Variants in ADGRV1 observed in about 807,000 individuals in gnomAD.
ADGRV1 encodes adhesion G protein-coupled receptor V1, also known as G-protein coupled receptor 98.
ADGRV1 carries 359 observed loss-of-function variants against 596.2 expected under a neutral mutation model. The observed-to-expected ratio is 0.60, with a 90% CI of 0.55 to 0.66. The LOEUF (loss-of-function observed/expected upper bound fraction) is 0.66, where lower values mean the gene tolerates loss of function less well. Among genes scored for constraint, ADGRV1 ranks in the 30% least tolerant of loss-of-function variants. The pLI, the probability that ADGRV1 is intolerant of heterozygous loss-of-function variation, is 0.00. For synonymous variants in ADGRV1, 2,681 were observed against 2,679.2 expected, an observed-to-expected ratio of 1.00 and a Z score of -0.02; for missense variants, 7,274 against 7,575.6, an observed-to-expected ratio of 0.96 and a Z score of 1.48.
rs1797163643 is a variant in ADGRV1, at chr5:91,163,889, A to G, written c.18910A>G (p.Thr6304Ala). Residue 6304 changes from threonine (T) to alanine (A), a missense_variant, in exon 90 of 90, where the codon ACT becomes GCT. Physicochemically the swap from Thr to Ala is moderately conservative, Grantham distance 58 (BLOSUM62 0). This residue lies in a region of ADGRV1 where 1,874 missense variants were observed against 1,970.2 expected (regional missense o/e 0.95). Transcript: ENST00000405460. ...VELRRIPIADTHL is the reference protein window; with the variant it reads ...VELRRIPIADAHL ...GCTCAGGAGGATACCCATCGCCGAC[A>G]CTCACCTGTAGCACCTCACTAACCA... 3.9e-6 allele frequency: 6 copies of G among 1,527,844 alleles called. No homozygotes were observed. Among genetic ancestry groups the G allele is most frequent in the Non-Finnish European group, 5.4e-6 (6 of 1,104,786 alleles). The allele number at this position is 1,527,844 out of a possible 1,614,324, so 94.6% of individuals were successfully genotyped here.
At chr5:90,802,910 A>T (rs1305076287) in intron 71 of ADGRV1, 28 bp downstream of exon 71, 2 of 1,582,288 alleles carry the variant, frequency 1.3e-6, no homozygotes. Context: ...TGGTTCTCTC[A>T]GCAGAACACT....
chr5:91,030,379 A>G (rs1223251373), intron 85 of ADGRV1, among the ~76,000 whole-genome samples: 1 of 152,134 alleles, frequency 6.6e-6, no homozygotes, highest in East Asian at 1.9e-4. Context: ...TGATAACATA[A>G]AAAATGAAGT....
intron 84 of ADGRV1, among the ~76,000 whole-genome samples, chr5:90,977,338 A>G (rs997017109): frequency 3.9e-5 from 6 of 152,248 alleles, no homozygotes; most frequent in Non-Finnish European, 7.3e-5. Context: ...GGCATATGGA[A>G]TAGACAGAAT....
At chr5:91,071,251 G>C (rs1788366725) in intron 85 of ADGRV1, among the ~76,000 whole-genome samples, 1 of 152,226 alleles carries the variant, frequency 6.6e-6, no homozygotes, top group Non-Finnish European at 1.5e-5. Context: ...GAGGTCAAGA[G>C]AGGTCCCTGC....
chr5:90,793,418 T>C (rs955083778), intron 70 of ADGRV1: 4 of 152,214 alleles, frequency 2.6e-5, no homozygotes, highest in African/African-American at 9.7e-5. Flanking sequence ...AAATAGCTGG[T>C]ATCATTTTAT....
At chr5:91,126,438 T>C (rs2126773377) in intron 87 of ADGRV1, among the ~76,000 whole-genome samples, 1 of 152,344 alleles carries the variant, frequency 6.6e-6, no homozygotes, top group South Asian at 2.1e-4. Flanking sequence ...GCCAGCAGCA[T>C]TGCCCCACTT....
chr5:90,821,488 C>T (rs1265623984), intron 75 of ADGRV1, among the ~76,000 whole-genome samples: 13 of 151,288 alleles, frequency 8.6e-5, no homozygotes, highest in African/African-American at 2.9e-4. Context: ...GGAGGAGAGG[C>T]GCTCTGCGTT....
chr5:90,928,112 G>A (rs562790667), intron 83 of ADGRV1, among the ~76,000 whole-genome samples: 3 of 152,158 alleles, frequency 2.0e-5, no homozygotes, highest in South Asian at 4.2e-4. Flanking sequence ...TATGTGTCTT[G>A]AAGTTGCTCT....
At chr5:90,930,123 C>G (rs1240766545) in intron 83 of ADGRV1, among the ~76,000 whole-genome samples, 3 of 151,982 alleles carry the variant, frequency 2.0e-5, no homozygotes, top group African/African-American at 7.3e-5. Context: ...TCTAGCAAAT[C>G]TTTGGTAAAA....
chr5:90,601,869 G>C (rs1341404051), intron 1 of ADGRV1, among the ~76,000 whole-genome samples: 1 of 152,204 alleles, frequency 6.6e-6, no homozygotes, highest in Non-Finnish European at 1.5e-5. Context: ...GCTTGAGGAA[G>C]CCAAGGAAAT....
In ADGRV1 at chr5:91,150,009, C is replaced by CT. The variant is rs35858094; in HGVS notation, c.18433-5dup. The CT allele has an allele frequency of 0.015, 19,423 of 1,274,582 alleles. 107 individuals carry two copies. The highest frequency in any genetic ancestry group is 0.074 in the African/African-American group (4,294 of 58,072). 79.0% of individuals were successfully genotyped at this position (1,274,582 alleles called of 1,614,324 possible). ...GTTCTTTTTCTTTTTCTTTTCTTTT[C>CT]TTTTTTTTTTTTTTTTGCAGGGACT... is the stretch of plus-strand genomic sequence containing the variant. On this transcript the variant is annotated intron_variant, in intron 87 of 89. Transcript: ENST00000405460.
rs1211339398 is a variant in ADGRV1, at chr5:90,849,397, T to C, written c.17204+576T>C. ...TAATTACCTCTATATTAACTATATA[T>C]ATATTTTTTTAGATGGAGTTTCGCT... is the stretch of plus-strand genomic sequence containing the variant. On this transcript the variant is annotated intron_variant, in intron 79 of 89. Coordinates refer to ENST00000405460, the MANE Select transcript of ADGRV1 (RefSeq NM_032119.4). 6.6e-5 allele frequency among the ~76,000 whole-genome samples: 10 copies of C among 152,284 alleles called. No individual in the cohort carries two copies. The East Asian group carries it at 1.7e-3, about 26-fold the overall frequency.
chr5:90,705,423 C>G lies in ADGRV1; in HGVS notation c.8410C>G (p.Leu2804Val). 6.2e-7 allele frequency: 1 copy of G among 1,613,776 alleles called. No individual in the cohort carries two copies. Among genetic ancestry groups the G allele is most frequent in the Non-Finnish European group, 8.5e-7 (1 of 1,179,744 alleles). ...AGGAGTTCCACCAGCCGGAATCGCC[C>G]TGCTTGATGCTCAAGGATATGCAGC... is the stretch of plus-strand genomic sequence containing the variant. The part of the protein sequence containing the change: ...TQGVPPAGIA[L>V]LDAQGYAAVL... The change falls in exon 37 of 90, where the codon CTG becomes GTG. Residue 2804 changes from leucine (L) to valine (V), a missense_variant. This residue lies in a region of ADGRV1 where 3,643 missense variants were observed against 3,809.2 expected (regional missense o/e 0.96). Transcript: ENST00000405460.
chr5:91,114,517 T>C (rs1457227003), intron 87 of ADGRV1, among the ~76,000 whole-genome samples: 2 of 151,798 alleles, frequency 1.3e-5, no homozygotes, highest in African/African-American at 4.8e-5. Flanking sequence ...ACAGAGCAAC[T>C]CTGTCAAAAG....
chr5:90,818,307 A>T (rs1409013244), intron 75 of ADGRV1, among the ~76,000 whole-genome samples: 2 of 128,884 alleles, frequency 1.6e-5, no homozygotes, highest in Non-Finnish European at 3.5e-5. Flanking sequence ...GCTTAAGGAG[A>T]TTTTGGGCTG....
chr5:90,776,391 A>G, intron 60 of ADGRV1, 62 bp from the exon 61 acceptor site: 1 of 1,513,066 alleles, frequency 6.6e-7, no homozygotes, highest in Non-Finnish European at 9.0e-7. Flanking sequence ...GAAAGTTTCC[A>G]GGCATATACT....
At chr5:90,813,303 T>C (rs1762620604) in intron 74 of ADGRV1, among the ~76,000 whole-genome samples, 1 of 152,112 alleles carries the variant, frequency 6.6e-6, no homozygotes, top group African/African-American at 2.4e-5. Flanking sequence ...TTAAAATGGC[T>C]TCTGGAGGTT....
At position 90,667,922 on chromosome 5, in the gene ADGRV1, G is replaced by C. The variant is rs530471410; in HGVS notation, c.4753-4624G>C. The stretch of plus-strand genomic sequence containing the variant: ...GGGGTGCCTCCCAGTTAGGCTGCTC[G>C]GGGGTCAGGGGTCAGGCACCCACTT... On this transcript the variant is annotated intron_variant, in intron 21 of 89. Coordinates refer to ENST00000405460, the MANE Select transcript of ADGRV1 (RefSeq NM_032119.4). 4.7e-3 allele frequency among the ~76,000 whole-genome samples: 719 copies of C among 151,806 alleles called. 6 individuals carry two copies. Among genetic ancestry groups the C allele is most frequent in the African/African-American group, 0.016 (654 of 41,236 alleles).
chr5:90,847,231 T>C (rs1765977784), intron 78 of ADGRV1, among the ~76,000 whole-genome samples: 1 of 150,386 alleles, frequency 6.6e-6, no homozygotes, highest in Non-Finnish European at 1.5e-5. Flanking sequence ...TTGGTGTATT[T>C]ACAATCCCTT....
Sources: allele counts gnomAD v4.1 joint callset (sites outside exome capture counted in the v4.1 genomes callset), GRCh38; gene constraint gnomAD v4.1.1; regional missense constraint gnomAD v4.1.1; transcripts MANE v1.5; gene names NCBI Gene and HGNC (gene_info 2026-07-23, HGNC 2026-07-21).